Variants in GPC6 observed in about 807,000 individuals in gnomAD.
GPC6 encodes glypican-6.
A neutral mutation model predicts 55.2 loss-of-function variants in GPC6; 14 were observed. The observed-to-expected ratio is 0.25, with a 90% CI of 0.17 to 0.40. The LOEUF is 0.40. Ranked by LOEUF, GPC6 falls within the 10% of genes least tolerant of loss-of-function variation. GPC6 has a pLI of 1.00. For missense variants in GPC6, 641 were observed against 708.5 expected (o/e 0.90, Z 1.08); for synonymous variants, 278 against 259.6 (o/e 1.07, Z -0.68).
intron 4 of GPC6, among the ~76,000 whole-genome samples, chr13:94,068,521 T>A (rs1439203499): frequency 6.6e-6 from 1 of 152,156 alleles, no homozygotes. Flanking sequence ...CTTAACTTAT[T>A]TCAGCATTAA....
chr13:94,171,485 C>T (rs1888566659), intron 4 of GPC6, among the ~76,000 whole-genome samples: 1 of 152,096 alleles, frequency 6.6e-6, no homozygotes. Context: ...TTAAGTGCTT[C>T]AGTAAAAGTA....
At chr13:93,911,753 T>C (rs1405981433) in intron 3 of GPC6, among the ~76,000 whole-genome samples, 1 of 152,202 alleles carries the variant, frequency 6.6e-6, no homozygotes, top group Non-Finnish European at 1.5e-5. Flanking sequence ...ATGTGTATCT[T>C]TCAGTGTTGT....
At chr13:93,763,592 C>A (rs1193315985) in intron 2 of GPC6, among the ~76,000 whole-genome samples, 2 of 152,164 alleles carry the variant, frequency 1.3e-5, no homozygotes, top group Non-Finnish European at 2.9e-5. Flanking sequence ...CAAATATAGT[C>A]CTCAAAGACA....
intron 2 of GPC6, among the ~76,000 whole-genome samples, chr13:93,671,613 G>A: frequency 6.6e-6 from 1 of 151,260 alleles, no homozygotes; most frequent in South Asian, 2.1e-4. Flanking sequence ...TTTTTTAGGG[G>A]TTTTTTTTGG....
Position 93,735,121 on chromosome 13 carries a change from G to T in GPC6, c.320-95033G>T, listed in dbSNP as rs921959590. Among the ~76,000 whole-genome samples the T allele has an allele frequency of 2.0e-5, 3 of 152,108 alleles. 1 individual carries two copies. The highest frequency in any genetic ancestry group is 7.2e-5 in the African/African-American group (3 of 41,414). On this transcript the variant is annotated intron_variant, in intron 2 of 8. Coordinates refer to ENST00000377047, the MANE Select transcript of GPC6 (RefSeq NM_005708.5). ...TTTTGTGTCAATAAAGATAATTACT[G>T]TTGTATGTTTTCCAATATAAAGGAA...
intron 2 of GPC6, among the ~76,000 whole-genome samples, chr13:93,644,772 A>G (rs1163309959): frequency 2.4e-5 from 3 of 125,256 alleles, no homozygotes; most frequent in Non-Finnish European, 4.8e-5. Context: ...AAGAGTAAAT[A>G]AATAAATAAA....
intron 2 of GPC6, among the ~76,000 whole-genome samples, chr13:93,640,949 T>C (rs1264917451): frequency 6.6e-6 from 1 of 151,630 alleles, no homozygotes; most frequent in Non-Finnish European, 1.5e-5. Context: ...ATAAGCATTA[T>C]TACTTTTCTA....
At chr13:94,296,563 T>A (rs2139099177) in intron 5 of GPC6, among the ~76,000 whole-genome samples, 1 of 152,342 alleles carries the variant, frequency 6.6e-6, no homozygotes, top group East Asian at 1.9e-4. Context: ...GTCTCATAAA[T>A]ACACCTCCTT....
At chr13:94,317,039 C>T (rs986714023) in intron 6 of GPC6, among the ~76,000 whole-genome samples, 7 of 152,144 alleles carry the variant, frequency 4.6e-5, no homozygotes, top group South Asian at 2.1e-4. Flanking sequence ...CAGCCTTCAT[C>T]GAAGGAGAAC....
chr13:94,251,163 G>A (rs1414451633), intron 4 of GPC6, among the ~76,000 whole-genome samples: 1 of 151,980 alleles, frequency 6.6e-6, no homozygotes, highest in African/African-American at 2.4e-5. Flanking sequence ...GCAGCAACAT[G>A]GATGAAACCA....
intron 1 of GPC6, among the ~76,000 whole-genome samples, chr13:93,448,528 G>A (rs1294206734): frequency 6.6e-6 from 1 of 152,136 alleles, no homozygotes; most frequent in African/African-American, 2.4e-5. Context: ...TACTTTCATG[G>A]AGGATATTTT....
intron 3 of GPC6, among the ~76,000 whole-genome samples, chr13:93,865,404 G>A (rs781116972): frequency 3.3e-5 from 5 of 151,848 alleles, no homozygotes; most frequent in Non-Finnish European, 4.4e-5. Context: ...GATGGACAGC[G>A]TGAGACACCA....
intron 6 of GPC6, among the ~76,000 whole-genome samples, chr13:94,362,489 G>C (rs1229354544): frequency 2.0e-5 from 3 of 152,088 alleles, no homozygotes; most frequent in Non-Finnish European, 4.4e-5. Flanking sequence ...AGGGTTGTCA[G>C]TTTTATATGC....
chr13:93,912,115 T>A (rs1298348861), intron 3 of GPC6, among the ~76,000 whole-genome samples: 2 of 152,188 alleles, frequency 1.3e-5, no homozygotes, highest in Non-Finnish European at 2.9e-5. Context: ...ATGGGATCCA[T>A]TCTTAGGCTT....
At chr13:94,305,733 C>G (rs190847726) in intron 5 of GPC6, among the ~76,000 whole-genome samples, 2 of 151,952 alleles carry the variant, frequency 1.3e-5, no homozygotes, top group African/African-American at 4.8e-5. Context: ...ATGTATCTAC[C>G]AATAATAAGA....
chr13:93,937,223 C>T (rs1167391185), intron 3 of GPC6, among the ~76,000 whole-genome samples: 2 of 152,182 alleles, frequency 1.3e-5, no homozygotes, highest in African/African-American at 2.4e-5. Context: ...CTGTTGTACA[C>T]TTCATATATA....
In GPC6 at chr13:93,998,579, G is replaced by A. The variant is rs149255969; in HGVS notation, c.712-29150G>A. The stretch of plus-strand genomic sequence containing the variant: ...CTCAGAGTGGGGATAGAATGGAACA[G>A]ATTGAGAGCTAGAAATAAAACTTTT... On this transcript the variant is annotated intron_variant, in intron 3 of 8. Transcript: ENST00000377047. Among the ~76,000 whole-genome samples, 377 of 152,266 alleles carry A rather than the reference G, an allele frequency of 2.5e-3. 1 individual carries two copies. The highest frequency in any genetic ancestry group is 8.7e-3 in the African/African-American group (363 of 41,568).
At position 93,869,809 on chromosome 13, in the gene GPC6, A is replaced by G. The variant is rs149726068; in HGVS notation, c.711+39264A>G. ...AAATATGTTCTTTCCAGTGAGTGGCATGGTTTTGTAATTTTTGAATACAAC... is the reference window on the plus strand; with the variant it reads ...AAATATGTTCTTTCCAGTGAGTGGCGTGGTTTTGTAATTTTTGAATACAAC... On this transcript the variant is annotated intron_variant, in intron 3 of 8. Coordinates refer to ENST00000377047, the MANE Select transcript of GPC6 (RefSeq NM_005708.5). 5.3e-5 allele frequency among the ~76,000 whole-genome samples: 8 copies of G among 151,962 alleles called. No homozygotes were observed. The East Asian group carries it at 1.6e-3, about 30-fold the overall frequency.
At chr13:93,969,100 G>GCC (rs1880173977) in intron 3 of GPC6, among the ~76,000 whole-genome samples, 1 of 152,118 alleles carries the variant, frequency 6.6e-6, no homozygotes, top group Non-Finnish European at 1.5e-5. Context: ...AGCACCAACC[G>GCC]AAGAGATAAT....
Sources: allele counts gnomAD v4.1 joint callset (sites outside exome capture counted in the v4.1 genomes callset), GRCh38; gene constraint gnomAD v4.1.1; transcripts MANE v1.5; gene names NCBI Gene and HGNC (gene_info 2026-07-23, HGNC 2026-07-21).